CAPN7: variants seen among roughly 807,000 people sequenced by gnomAD.
CAPN7 encodes calpain 7, also known as calpain-7.
Under a neutral mutation model 115.2 loss-of-function variants are expected in CAPN7, and 72 were observed. The ratio of observed to expected loss-of-function variants is 0.63; its 90% CI spans 0.52 to 0.76. The LOEUF is 0.76. Among genes scored for constraint, CAPN7 ranks in the 30% least tolerant of loss-of-function variants. The pLI is 0.00. For missense variants in CAPN7, 905 were observed against 971.5 expected (o/e 0.93, Z 0.91); for synonymous variants, 344 against 322.3 (o/e 1.07, Z -0.72).
chr3:15,217,179 T>A (rs1693667477), intron 2 of CAPN7, among the ~76,000 whole-genome samples: 1 of 150,934 alleles, frequency 6.6e-6, no homozygotes, highest in African/African-American at 2.4e-5. Context: ...CCCGAGGAGG[T>A]AGAGGCTGCA....
At position 15,245,836 on chromosome 3, in the gene CAPN7, A is replaced by G. The variant is rs1260230890; in HGVS notation, c.2010+165A>G. 1.9e-5 allele frequency: 10 copies of G among 514,618 alleles called. No homozygotes were observed. The Admixed American group carries it at 3.2e-4, about 16-fold the overall frequency. 31.9% of individuals were successfully genotyped at this position (514,618 alleles called of 1,614,324 possible). ...TAGTAAATTATACTTTCTGTAGAAA[A>G]TAATACATTTGAAAAGAAATGTCTT... On this transcript the variant is annotated intron_variant, in intron 17 of 20. Transcript: ENST00000253693.
At chr3:15,214,541 A>G (rs936470263) in intron 2 of CAPN7, among the ~76,000 whole-genome samples, 2 of 152,008 alleles carry the variant, frequency 1.3e-5, no homozygotes, top group African/African-American at 4.8e-5. Flanking sequence ...TAGGCAACAT[A>G]GACTTCACCC....
intron 2 of CAPN7, among the ~76,000 whole-genome samples, chr3:15,215,559 A>C (rs756081693): frequency 6.6e-6 from 1 of 152,160 alleles, no homozygotes; most frequent in Non-Finnish European, 1.5e-5. Context: ...CCTATTGTGG[A>C]TATTTCATAC....
chr3:15,208,224 T>A (rs2044740505), intron 1 of CAPN7, among the ~76,000 whole-genome samples: 2 of 151,980 alleles, frequency 1.3e-5, no homozygotes, highest in South Asian at 4.2e-4. Context: ...TTTTTTTTTT[T>A]TACAAACTGG....
At chr3:15,229,716 C>T (rs1487022021) in intron 8 of CAPN7, among the ~76,000 whole-genome samples, 10 of 151,698 alleles carry the variant, frequency 6.6e-5, no homozygotes, top group Non-Finnish European at 1.5e-4. Context: ...GCTGGGATTA[C>T]AGGCAGTTTT....
chr3:15,216,912 G>T (rs1167699146), intron 2 of CAPN7, among the ~76,000 whole-genome samples: 1 of 152,016 alleles, frequency 6.6e-6, no homozygotes, highest in African/African-American at 2.4e-5. Context: ...AATAATTGCA[G>T]ATTTTTTTTC....
chr3:15,251,342 G>A lies in CAPN7; in HGVS notation c.*82G>A, dbSNP rs1453776961. The A allele has an allele frequency of 1.7e-6, 2 of 1,147,612 alleles. No individual in the cohort carries two copies. The highest frequency in any genetic ancestry group is 2.5e-6 in the Non-Finnish European group (2 of 804,474). The allele number at this position is 1,147,612 out of a possible 1,614,324, so 71.1% of individuals were successfully genotyped here. On this transcript the variant is annotated 3_prime_UTR_variant, in exon 21 of 21. Transcript: ENST00000253693. ...AGGACGCAAATCTTCAGGACAGTAA[G>A]CAGAACAATCAGAATGGAATTAAAT...
rs777710802 is a variant in CAPN7, at chr3:15,217,600, T to C, written c.369+18T>C. On this transcript the variant is annotated intron_variant, in intron 3 of 20. Coordinates refer to ENST00000253693, the MANE Select transcript of CAPN7 (RefSeq NM_014296.3). ...TGAAAACAGTGTGTATAGCTACAAA[T>C]TACGTTTGATGAGTTATGCCAAACC... 3.8e-6 allele frequency: 6 copies of C among 1,593,658 alleles called. No homozygotes were observed. The African/African-American group carries it at 8.1e-5, about 21-fold the overall frequency.
At chr3:15,235,272 C>T (rs1056777151) in intron 12 of CAPN7, 127 bp downstream of exon 12, 4 of 775,864 alleles carry the variant, frequency 5.2e-6, no homozygotes, top group African/African-American at 3.5e-5. Context: ...AACCATTTCA[C>T]CTACATTAAC....
chr3:15,211,635 C>T (rs2044957247), intron 1 of CAPN7, among the ~76,000 whole-genome samples: 1 of 152,048 alleles, frequency 6.6e-6, no homozygotes, highest in African/African-American at 2.4e-5. Context: ...TGGCTCATGC[C>T]TGTAATCCCA....
At chr3:15,206,997 T>A (rs1290648258) in intron 1 of CAPN7, among the ~76,000 whole-genome samples, 1 of 152,252 alleles carries the variant, frequency 6.6e-6, no homozygotes, top group South Asian at 2.1e-4. Context: ...TTAAAAAGAA[T>A]AAAAACCATC....
chr3:15,213,987 TCTC>T (rs1484066526), intron 2 of CAPN7, among the ~76,000 whole-genome samples: 1 of 151,868 alleles, frequency 6.6e-6, no homozygotes, highest in Non-Finnish European at 1.5e-5. Flanking sequence ...TTCACGCCAT[TCTC>T]CTGCGTCAGC....
chr3:15,229,198 A>G (rs1298039543), intron 8 of CAPN7, 139 bp downstream of exon 8: 1 of 628,986 alleles, frequency 1.6e-6, no homozygotes, highest in Non-Finnish European at 2.8e-6. Flanking sequence ...TAAGCAGATG[A>G]TTTATGAATG....
At chr3:15,214,102 G>T (rs554891939) in intron 2 of CAPN7, among the ~76,000 whole-genome samples, 2 of 152,086 alleles carry the variant, frequency 1.3e-5, no homozygotes, top group Admixed American at 6.5e-5. Flanking sequence ...GGATGGTCTC[G>T]ATCTCCTGAC....
rs1223843071 is a variant in CAPN7, at chr3:15,252,650, T to A, written c.*1390T>A. Reference sequence around the variant, plus strand: ...AACCTAATCCCTGCCATCAAATTTATTAGAAGAGACCTATATATGAACAAC... The same window carrying A: ...AACCTAATCCCTGCCATCAAATTTAATAGAAGAGACCTATATATGAACAAC... On this transcript the variant is annotated 3_prime_UTR_variant, in exon 21 of 21. Transcript: ENST00000253693. 2 of 152,126 alleles carry A rather than the reference T, an allele frequency of 1.3e-5. No homozygotes were observed. Among genetic ancestry groups the A allele is most frequent in the Middle Eastern group, 6.3e-3 (2 of 316 alleles). 9.4% of individuals were successfully genotyped at this position (152,126 alleles called of 1,614,324 possible). A position where few individuals can be genotyped will look rare whatever the true frequency, so the allele number is the denominator to read the frequency against.
At chr3:15,226,191 T>C (rs1417349160) in intron 6 of CAPN7, among the ~76,000 whole-genome samples, 1 of 152,138 alleles carries the variant, frequency 6.6e-6, no homozygotes, top group Non-Finnish European at 1.5e-5. Context: ...TTCTTCTGCC[T>C]CAGCCTCCCA....
intron 9 of CAPN7, among the ~76,000 whole-genome samples, chr3:15,231,136 C>T (rs978964258): frequency 4.6e-5 from 7 of 152,170 alleles, no homozygotes; most frequent in African/African-American, 1.7e-4. Flanking sequence ...TCAGAATCTG[C>T]GTTTCACCTA....
At chr3:15,210,888 C>T in intron 1 of CAPN7, 3 of 1,288,148 alleles carry the variant, frequency 2.3e-6, no homozygotes, top group Non-Finnish European at 3.0e-6. Context: ...CATGATGACC[C>T]ATGAAGTGTA....
At position 15,250,965 on chromosome 3, in the gene CAPN7, T is replaced by G. The variant is rs760269003; in HGVS notation, c.2239T>G (p.Ser747Ala). 25 of 1,613,498 alleles carry G rather than the reference T, an allele frequency of 1.5e-5. No homozygotes were observed. The highest frequency in any genetic ancestry group is 2.1e-5 in the Non-Finnish European group (25 of 1,179,474). ...CGTTGGATTTGAGGTTGTAACAGTT[T>G]CTACTCTAGGAGATCCTGGTCCCCA... is the stretch of plus-strand genomic sequence containing the variant. ...YSVGFEVVTV[S>A]TLGDPGPHGF... Residue 747 changes from serine (S) to alanine (A), a missense_variant, in exon 20 of 21, where the codon TCT becomes GCT. Around this residue, in one of 3 missense-constraint regions of CAPN7, gnomAD observed 620 missense variants for 703.4 expected, o/e 0.88. Transcript: ENST00000253693.
Sources: allele counts gnomAD v4.1 joint callset (sites outside exome capture counted in the v4.1 genomes callset), GRCh38; gene constraint gnomAD v4.1.1; regional missense constraint gnomAD v4.1.1; transcripts MANE v1.5; gene names NCBI Gene and HGNC (gene_info 2026-07-23, HGNC 2026-07-21).